Variants in GPC6 observed in about 807,000 individuals in gnomAD.
The protein encoded by GPC6 is glypican 6, also known as glypican-6.
In GPC6, 14 loss-of-function variants were observed where a neutral mutation model predicts 55.2. The observed-to-expected ratio is 0.25, with a 90% CI of 0.17 to 0.40. GPC6 has a LOEUF of 0.40. Ranked by LOEUF, GPC6 falls within the 10% of genes least tolerant of loss-of-function variation. The pLI is 1.00. For missense variants in GPC6, 641 were observed against 708.5 expected, an observed-to-expected ratio of 0.90 and a Z score of 1.08; for synonymous variants, 278 against 259.6, an observed-to-expected ratio of 1.07 and a Z score of -0.68.
intron 4 of GPC6, among the ~76,000 whole-genome samples, chr13:94,116,247 C>T (rs1010969956): frequency 6.6e-6 from 1 of 151,912 alleles, no homozygotes; most frequent in African/African-American, 2.4e-5. Context: ...CCCCATTTAC[C>T]ATATCAGTGC....
chr13:93,964,271 A>C (rs1308767650), intron 3 of GPC6, among the ~76,000 whole-genome samples: 2 of 152,204 alleles, frequency 1.3e-5, no homozygotes, highest in African/African-American at 4.8e-5. Context: ...CAATTCAGTC[A>C]TTGCTTCCTT....
chr13:94,173,105 A>G (rs1888628563), intron 4 of GPC6, among the ~76,000 whole-genome samples: 4 of 152,200 alleles, frequency 2.6e-5, no homozygotes, highest in Admixed American at 2.6e-4. Flanking sequence ...TTCTGTGCAG[A>G]TCAGTCCACA....
intron 4 of GPC6, among the ~76,000 whole-genome samples, chr13:94,216,553 T>C (rs1053651012): frequency 1.3e-5 from 2 of 152,224 alleles, no homozygotes; most frequent in African/African-American, 4.8e-5. Context: ...TGAGACTAAA[T>C]GTGACACATA....
At chr13:93,714,802 C>T (rs1437603123) in intron 2 of GPC6, among the ~76,000 whole-genome samples, 1 of 151,462 alleles carries the variant, frequency 6.6e-6, no homozygotes, top group African/African-American at 2.4e-5. Flanking sequence ...GGCAGTGTTA[C>T]TATGTTTAAT....
chr13:93,287,853 G>A (rs1878187336), intron 1 of GPC6, among the ~76,000 whole-genome samples: 1 of 151,818 alleles, frequency 6.6e-6, no homozygotes, highest in African/African-American at 2.4e-5. Context: ...AGGAAATTAT[G>A]TTTTTTTTAA....
intron 2 of GPC6, among the ~76,000 whole-genome samples, chr13:93,732,252 G>T (rs182235004): frequency 6.6e-6 from 1 of 152,198 alleles, no homozygotes; most frequent in East Asian, 1.9e-4. Context: ...AATTTCAGTT[G>T]TTCTCTGGTG....
chr13:93,567,367 T>C (rs1308710682), intron 2 of GPC6, among the ~76,000 whole-genome samples: 1 of 152,204 alleles, frequency 6.6e-6, no homozygotes, highest in African/African-American at 2.4e-5. Context: ...TTAAAGATTA[T>C]TTGAAGTAGC....
intron 2 of GPC6, among the ~76,000 whole-genome samples, chr13:93,770,556 C>T (rs931203067): frequency 6.6e-6 from 1 of 152,154 alleles, no homozygotes; most frequent in African/African-American, 2.4e-5. Context: ...CTCTCTGACT[C>T]AAAGGGGCTG....
intron 3 of GPC6, among the ~76,000 whole-genome samples, chr13:94,003,859 T>G (rs1395313485): frequency 6.6e-6 from 1 of 152,222 alleles, no homozygotes; most frequent in Admixed American, 6.5e-5. Flanking sequence ...GTCTCACTTT[T>G]GAAATTGGAA....
intron 1 of GPC6, among the ~76,000 whole-genome samples, chr13:93,502,904 A>G (rs1370926145): frequency 6.6e-6 from 1 of 152,180 alleles, no homozygotes; most frequent in Non-Finnish European, 1.5e-5. Context: ...CTATAGATGT[A>G]ACTAACTTCA....
At chr13:94,160,317 G>T (rs1388413548) in intron 4 of GPC6, among the ~76,000 whole-genome samples, 1 of 152,080 alleles carries the variant, frequency 6.6e-6, no homozygotes, top group Admixed American at 6.5e-5. Context: ...ATCCACCAAG[G>T]GTCTTGCAAT....
chr13:93,945,935 T>C lies in GPC6; in HGVS notation c.712-81794T>C, dbSNP rs73541974. Among the ~76,000 whole-genome samples the C allele has an allele frequency of 1.6e-3, 248 of 152,326 alleles. 2 individuals carry two copies. The highest frequency in any genetic ancestry group is 5.7e-3 in the African/African-American group (237 of 41,578). ...TATCAGTCACTACTGAATTGCATAA[T>C]AGATGTCAAAATACTCGACGTTTTT... is the stretch of plus-strand genomic sequence containing the variant. On this transcript the variant is annotated intron_variant, in intron 3 of 8. Coordinates refer to ENST00000377047, the MANE Select transcript of GPC6 (RefSeq NM_005708.5).
chr13:93,587,499 G>C (rs1594290181), intron 2 of GPC6, among the ~76,000 whole-genome samples: 2 of 152,044 alleles, frequency 1.3e-5, no homozygotes, highest in Admixed American at 1.3e-4. Flanking sequence ...TGTTAGCTTG[G>C]CCCAAATATG....
At chr13:93,647,259 T>C (rs1288144493) in intron 2 of GPC6, among the ~76,000 whole-genome samples, 3 of 152,190 alleles carry the variant, frequency 2.0e-5, no homozygotes, top group African/African-American at 4.8e-5. Context: ...TTTTATAATA[T>C]GGATGTTTCT....
intron 1 of GPC6, among the ~76,000 whole-genome samples, chr13:93,353,983 A>C (rs1427007461): frequency 3.9e-5 from 6 of 152,186 alleles, no homozygotes; most frequent in Non-Finnish European, 7.4e-5. Context: ...AAATGAGTGG[A>C]ACTCTTGATG....
chr13:93,930,275 G>GTTTTTTTTTTTTTT lies in GPC6; in HGVS notation c.712-97441_712-97440insTTTTTTTTTTTTTT, dbSNP rs35858695. 2.3e-3 allele frequency among the ~76,000 whole-genome samples: 285 copies of GTTTTTTTTTTTTTT among 123,796 alleles called. 18 individuals are homozygous for GTTTTTTTTTTTTTT. The highest frequency in any genetic ancestry group is 3.2e-3 in the African/African-American group (100 of 31,276). The allele number at this position is 123,796 out of a possible 152,430, so 81.2% of individuals were successfully genotyped here. A position where few individuals can be genotyped will look rare whatever the true frequency, so the allele number is the denominator to read the frequency against. On this transcript the variant is annotated intron_variant, in intron 3 of 8. Transcript: ENST00000377047. The stretch of plus-strand genomic sequence containing the variant: ...TTTTAAAGGTTATTGGAAACGAAAG[G>GTTTTTTTTTTTTTT]TTTTTTTTTTTTTGTAGACAGAGTC...
At chr13:93,480,203 T>C (rs1285122240) in intron 1 of GPC6, among the ~76,000 whole-genome samples, 2 of 152,216 alleles carry the variant, frequency 1.3e-5, no homozygotes, top group African/African-American at 4.8e-5. Context: ...AACTGTAATA[T>C]ACACATTGAT....
intron 2 of GPC6, among the ~76,000 whole-genome samples, chr13:93,636,673 T>C (rs558686270): frequency 6.6e-6 from 1 of 152,268 alleles, no homozygotes; most frequent in East Asian, 1.9e-4. Context: ...GATCACCTTG[T>C]ACATTCTGGG....
chr13:93,665,541 G>T (rs919844354), intron 2 of GPC6, among the ~76,000 whole-genome samples: 1 of 152,066 alleles, frequency 6.6e-6, no homozygotes, highest in Non-Finnish European at 1.5e-5. Flanking sequence ...GCATTTCTTA[G>T]TGTTTATATT....
Sources: gnomAD v4.1 joint callset for allele counts (sites outside exome capture counted in the v4.1 genomes callset) on GRCh38, gnomAD v4.1.1 for gene constraint, MANE v1.5 for transcripts, NCBI Gene and HGNC (gene_info 2026-07-23, HGNC 2026-07-21) for gene names.